Variants in RBFOX1 observed in about 807,000 individuals in gnomAD.
RBFOX1 encodes the protein RNA binding protein fox-1 homolog 1.
In RBFOX1, 8 loss-of-function variants were observed where a neutral mutation model predicts 57.7. The ratio of observed to expected loss-of-function variants is 0.14; its 90% CI spans 0.08 to 0.25. The LOEUF (loss-of-function observed/expected upper bound fraction) is 0.25, where lower values mean the gene tolerates loss of function less well. RBFOX1 is among the 10% of genes least tolerant of loss of function. The pLI, the probability that RBFOX1 is intolerant of heterozygous loss-of-function variation, is 1.00. For missense variants in RBFOX1, 611 were observed against 548.5 expected (o/e 1.11, Z -1.14); for synonymous variants, 326 against 222.4 (o/e 1.47, Z -4.15).
At chr16:6,828,430 A>C (rs1029490873) in intron 3 of RBFOX1, among the ~76,000 whole-genome samples, 3 of 152,068 alleles carry the variant, frequency 2.0e-5, no homozygotes, top group Non-Finnish European at 2.9e-5. Context: ...AGACTGAGGC[A>C]GGAGAATCAC....
At chr16:7,178,938 T>C (rs1025406907) in intron 4 of RBFOX1, among the ~76,000 whole-genome samples, 3 of 152,204 alleles carry the variant, frequency 2.0e-5, no homozygotes, top group South Asian at 4.1e-4. Flanking sequence ...GAAGTCTCTC[T>C]CTGTTTATGG....
Position 7,131,000 on chromosome 16 carries a change from A to G in RBFOX1, c.27+78902A>G, listed in dbSNP as rs116456528. ...TTTTTCCATTTCCAAAGAGATGGGT[A>G]TCTTAAAAGTTAGAAATTTGTGACT... On this transcript the variant is annotated intron_variant, in intron 4 of 15. Coordinates refer to ENST00000550418, the MANE Select transcript of RBFOX1 (RefSeq NM_018723.4). 4.2e-3 allele frequency among the ~76,000 whole-genome samples: 638 copies of G among 152,290 alleles called. 6 individuals carry two copies. Among genetic ancestry groups the G allele is most frequent in the African/African-American group, 0.015 (610 of 41,568 alleles).
intron 4 of RBFOX1, among the ~76,000 whole-genome samples, chr16:7,474,979 T>C (rs2062343799): frequency 6.6e-6 from 1 of 152,200 alleles, no homozygotes; most frequent in Non-Finnish European, 1.5e-5. Flanking sequence ...CCTTTGATTT[T>C]TGAATGTCCC....
intron 3 of RBFOX1, among the ~76,000 whole-genome samples, chr16:6,963,058 C>G (rs2083355254): frequency 6.6e-6 from 1 of 152,104 alleles, no homozygotes; most frequent in Non-Finnish European, 1.5e-5. Context: ...TGTGAACTGC[C>G]CAAGTCAAAT....
intron 2 of RBFOX1, among the ~76,000 whole-genome samples, chr16:5,472,053 C>G (rs1361894246): frequency 7.9e-5 from 12 of 152,190 alleles, no homozygotes; most frequent in Non-Finnish European, 1.8e-4. Context: ...TCTGCCTTCT[C>G]TGTGACTTCT....
chr16:6,597,899 A>C (rs2097793322), intron 2 of RBFOX1, among the ~76,000 whole-genome samples: 1 of 152,220 alleles, frequency 6.6e-6, no homozygotes, highest in Non-Finnish European at 1.5e-5. Context: ...GAGTATCCTC[A>C]GAACAAACAT....
chr16:6,982,051 C>T (rs893579306), intron 3 of RBFOX1, among the ~76,000 whole-genome samples: 2 of 152,100 alleles, frequency 1.3e-5, no homozygotes, highest in Non-Finnish European at 2.9e-5. Context: ...GTAAAATTTT[C>T]GTAGTTTTTC....
chr16:7,242,980 C>T (rs544203277), intron 4 of RBFOX1, among the ~76,000 whole-genome samples: 2 of 152,056 alleles, frequency 1.3e-5, no homozygotes, highest in East Asian at 3.8e-4. Flanking sequence ...TGTTCTCTTC[C>T]TCCTCCTCCT....
intron 1 of RBFOX1, among the ~76,000 whole-genome samples, chr16:6,151,587 A>G (rs918982619): frequency 1.3e-5 from 2 of 152,156 alleles, no homozygotes; most frequent in Admixed American, 6.5e-5. Context: ...CAACTGGCCT[A>G]TAATCAGTCT....
intron 4 of RBFOX1, among the ~76,000 whole-genome samples, chr16:7,160,674 T>C (rs887970929): frequency 2.6e-5 from 4 of 152,148 alleles, no homozygotes; most frequent in Non-Finnish European, 5.9e-5. Flanking sequence ...ATAATCTTCA[T>C]CTTAGTTTTC....
At chr16:5,396,913 C>A (rs1023269740) in intron 1 of RBFOX1, among the ~76,000 whole-genome samples, 33 of 152,176 alleles carry the variant, frequency 2.2e-4, no homozygotes, top group African/African-American at 7.5e-4. Flanking sequence ...ATTTGGAGAT[C>A]CACCTTGTCC....
At chr16:6,690,552 G>A (rs375652786) in intron 3 of RBFOX1, among the ~76,000 whole-genome samples, 4 of 55,282 alleles carry the variant, frequency 7.2e-5, no homozygotes, top group South Asian at 1.1e-3. Context: ...AAAGATCATC[G>A]TTTCAAAACT....
At chr16:5,355,083 A>T (rs190877578) in intron 1 of RBFOX1, among the ~76,000 whole-genome samples, 1 of 151,776 alleles carries the variant, frequency 6.6e-6, no homozygotes, top group Non-Finnish European at 1.5e-5. Flanking sequence ...ATAAGAGAGA[A>T]TAAAAGAGAG....
rs2063476526 is a variant in RBFOX1 at position 5,289,266 on chromosome 16, T to C, written c.219+49161T>C. ...TGAGACGGGCAGGAGGTTTCATCAT[T>C]GGGCACCCAGGCATCATGGGCATGT... On this transcript the variant is annotated intron_variant, in intron 1 of 2. Transcript: ENST00000585867. 6.0e-5 allele frequency: 24 copies of C among 400,938 alleles called. 1 individual carries two copies. In the South Asian group the frequency reaches 7.4e-4, roughly 12 times the overall value. 24.8% of individuals were successfully genotyped at this position (400,938 alleles called of 1,614,324 possible).
chr16:5,965,455 A>G (rs1396009213), intron 4 of RBFOX1, among the ~76,000 whole-genome samples: 2 of 152,134 alleles, frequency 1.3e-5, no homozygotes, highest in African/African-American at 2.4e-5. Flanking sequence ...CCACAAAGCT[A>G]GGGGGTGGGG....
At chr16:7,345,906 C>A (rs1280626750) in intron 4 of RBFOX1, among the ~76,000 whole-genome samples, 1 of 151,958 alleles carries the variant, frequency 6.6e-6, no homozygotes, top group Non-Finnish European at 1.5e-5. Context: ...TATACATGTG[C>A]CATGTTGGTG....
chr16:6,668,182 A>T (rs2098744153), intron 3 of RBFOX1, among the ~76,000 whole-genome samples: 1 of 152,246 alleles, frequency 6.6e-6, no homozygotes, highest in Non-Finnish European at 1.5e-5. Flanking sequence ...CAGGGATTGG[A>T]AACAGATTGA....
intron 1 of RBFOX1, among the ~76,000 whole-genome samples, chr16:6,184,871 A>C (rs1048629074): frequency 1.3e-5 from 2 of 152,034 alleles, no homozygotes; most frequent in African/African-American, 4.8e-5. Flanking sequence ...CTGGTCTACT[A>C]CAGGAATTTA....
intron 4 of RBFOX1, among the ~76,000 whole-genome samples, chr16:7,490,573 C>A (rs781045667): frequency 6.6e-6 from 1 of 152,182 alleles, no homozygotes; most frequent in African/African-American, 2.4e-5. Flanking sequence ...AAAATAAATT[C>A]AACTGTGACT....
Sources: gnomAD v4.1 joint callset for allele counts (sites outside exome capture counted in the v4.1 genomes callset) on GRCh38, gnomAD v4.1.1 for gene constraint, MANE v1.5 for transcripts, NCBI Gene and HGNC (gene_info 2026-07-23, HGNC 2026-07-21) for gene names.